TAMM41: variants seen among roughly 807,000 people sequenced by gnomAD.
The protein encoded by TAMM41 is TAM41 mitochondrial translocator assembly and maintenance homolog.
TAMM41 carries 36 observed loss-of-function variants against 44.1 expected under a neutral mutation model. The observed-to-expected ratio is 0.82, with a 90% CI of 0.63 to 1.08. The LOEUF (loss-of-function observed/expected upper bound fraction) is 1.08. Ranked by LOEUF, TAMM41 falls within the 50% of genes least tolerant of loss-of-function variation. The probability of loss-of-function intolerance (pLI) is 0.00; values close to 1 mark genes in which losing one functional copy is unlikely to be tolerated. For synonymous variants in TAMM41, 164 were observed against 153.1 expected (o/e 1.07, Z -0.53); for missense variants, 417 against 404.3 (o/e 1.03, Z -0.27).
At position 11,829,683 on chromosome 3, in the gene TAMM41, T is replaced by C. The variant is rs370965922; in HGVS notation, c.562+31A>G. The stretch of plus-strand genomic sequence containing the variant: ...AGTCTTCAAATATAAATCTCTCCCT[T>C]GTAGAACATCTGGGCAGCAACCATA... On this transcript the variant is annotated intron_variant, in intron 4 of 7. Transcript: ENST00000455809. 8.6e-4 allele frequency: 1,385 copies of C among 1,611,906 alleles called. 2 individuals are homozygous for C. Among genetic ancestry groups the C allele is most frequent in the Non-Finnish European group, 1.1e-3 (1,284 of 1,178,336 alleles).
the TAMM41 span, among the ~76,000 whole-genome samples, chr3:11,753,736 CA>C: frequency 0.04 from 5,692 of 142,512 alleles, 365 homozygotes; most frequent in African/African-American, 0.14. Flanking sequence ...GACTCCGTCT[CA>C]AAAAAAAAAA....
At chr3:11,789,051 T>C (rs113494998), downstream of TAMM41, among the ~76,000 whole-genome samples, 521 of 152,326 alleles carry the variant, frequency 3.4e-3, 4 homozygotes, top group Non-Finnish European at 3.5e-3. Flanking sequence ...TGCTCAATGC[T>C]AGGCACAAGG....
chr3:11,802,746 A>G (rs192790859), intron 7 of TAMM41, among the ~76,000 whole-genome samples: 2 of 152,328 alleles, frequency 1.3e-5, no homozygotes, highest in African/African-American at 2.4e-5. Flanking sequence ...CAACACCACC[A>G]AAAAAGAAAA....
intron 5 of TAMM41, among the ~76,000 whole-genome samples, chr3:11,814,701 A>C (rs968519250): frequency 6.6e-6 from 1 of 152,200 alleles, no homozygotes; most frequent in African/African-American, 2.4e-5. Flanking sequence ...TGTGGCTCAC[A>C]CCAGTTAACC....
chr3:11,728,749 C>T, the TAMM41 span, among the ~76,000 whole-genome samples: 1 of 152,184 alleles, frequency 6.6e-6, no homozygotes, highest in East Asian at 1.9e-4. Flanking sequence ...TAACTCACGC[C>T]TGAAATCCCA....
chr3:11,759,502 T>C, the TAMM41 span, among the ~76,000 whole-genome samples: 1 of 151,980 alleles, frequency 6.6e-6, no homozygotes, highest in Non-Finnish European at 1.5e-5. Context: ...CCTGATGTCC[T>C]CACGTGTAAC....
At chr3:11,827,278 G>A (rs576705533) in intron 4 of TAMM41, among the ~76,000 whole-genome samples, 1 of 150,654 alleles carries the variant, frequency 6.6e-6, no homozygotes, top group African/African-American at 2.4e-5. Flanking sequence ...AAAAACTAGA[G>A]TTAGAAAGCT....
the TAMM41 span, among the ~76,000 whole-genome samples, chr3:11,769,183 G>A: frequency 3.3e-5 from 5 of 152,212 alleles, no homozygotes; most frequent in South Asian, 2.1e-4. Context: ...CTAACCTGAC[G>A]GGTTCAAGCG....
intron 5 of TAMM41, chr3:11,811,432 TAAA>T (rs987472545): frequency 1.3e-5 from 2 of 152,148 alleles, no homozygotes; most frequent in Non-Finnish European, 2.9e-5. Flanking sequence ...GAGTGACATA[TAAA>T]AAAATTAGAA....
chr3:11,786,040 G>C (rs1473457721), downstream of TAMM41, among the ~76,000 whole-genome samples: 2 of 151,956 alleles, frequency 1.3e-5, no homozygotes, highest in African/African-American at 4.8e-5. Flanking sequence ...CTGTGTACAA[G>C]TCTTCTGAAA....
chr3:11,843,907 A>G (rs897302414), intron 2 of TAMM41, 122 bp downstream of exon 2: 18 of 998,960 alleles, frequency 1.8e-5, no homozygotes, highest in Non-Finnish European at 2.3e-5. Context: ...TTTCCCGACT[A>G]TAACAACGTC....
chr3:11,814,088 G>A (rs2078194731), intron 5 of TAMM41, among the ~76,000 whole-genome samples: 1 of 151,842 alleles, frequency 6.6e-6, no homozygotes, highest in East Asian at 1.9e-4. Context: ...TGAGGTGAGA[G>A]GATCACTTGA....
chr3:11,729,539 ATTTTTTTTTTTTTTTTT>A, the TAMM41 span, among the ~76,000 whole-genome samples: 72 of 32,294 alleles, frequency 2.2e-3, no homozygotes, highest in African/African-American at 4.7e-3. Flanking sequence ...TCTTTCTTTC[ATTTTTTTTTTTTTTTTT>A]TTTTTTTTTT....
chr3:11,787,460 G>A (rs1226065398), downstream of TAMM41, among the ~76,000 whole-genome samples: 1 of 152,088 alleles, frequency 6.6e-6, no homozygotes, highest in Non-Finnish European at 1.5e-5. Context: ...CCTCCTCCAG[G>A]ATACCCCTTC....
chr3:11,776,099 C>T, the TAMM41 span, among the ~76,000 whole-genome samples: 6 of 151,082 alleles, frequency 4.0e-5, no homozygotes, highest in Admixed American at 2.6e-4. Flanking sequence ...CTGCAAGCTC[C>T]GCCTCCCAGG....
At chr3:11,759,712 G>A in the TAMM41 span, among the ~76,000 whole-genome samples, 18 of 152,216 alleles carry the variant, frequency 1.2e-4, no homozygotes, top group Admixed American at 2.0e-4. Context: ...GGTGGCTCAC[G>A]CCTGTAATTC....
Position 11,801,608 on chromosome 3 carries a change from G to A in TAMM41, c.937+6225C>T, listed in dbSNP as rs1423136091. On this transcript the variant is annotated intron_variant, in intron 7 of 7. Transcript: ENST00000455809. ...CCCAAAGTGCTGGGATTACAGGCAT[G>A]AGCCACCATGCCTGACCTTAAAAAT... 3.3e-5 allele frequency among the ~76,000 whole-genome samples: 5 copies of A among 152,152 alleles called. No homozygotes were observed. In the East Asian group the frequency reaches 9.7e-4, roughly 29 times the overall value.
chr3:11,796,253 G>C (rs1230857938), intron 7 of TAMM41, among the ~76,000 whole-genome samples: 1 of 152,150 alleles, frequency 6.6e-6, no homozygotes, highest in Non-Finnish European at 1.5e-5. Context: ...GTGAAATTTA[G>C]ATCTACATTC....
At chr3:11,737,504 G>C in the TAMM41 span, among the ~76,000 whole-genome samples, 1 of 151,906 alleles carries the variant, frequency 6.6e-6, no homozygotes, top group Admixed American at 6.6e-5. Context: ...ATTTTTAGTA[G>C]AGATGGGGTT....
Sources: gnomAD v4.1 joint callset for allele counts (sites outside exome capture counted in the v4.1 genomes callset) on GRCh38, gnomAD v4.1.1 for gene constraint, MANE v1.5 for transcripts, NCBI Gene and HGNC (gene_info 2026-07-23, HGNC 2026-07-21) for gene names.